POLI: variants seen among roughly 807,000 people sequenced by gnomAD.
The protein encoded by POLI is DNA polymerase iota.
A neutral mutation model predicts 51.6 loss-of-function variants in POLI; 58 were observed. The observed-to-expected ratio is 1.12, with a 90% confidence interval of 0.91 to 1.40. The LOEUF (loss-of-function observed/expected upper bound fraction) is 1.40, where lower values mean the gene tolerates loss of function less well. Among genes scored for constraint, POLI ranks in the 40% most tolerant of loss-of-function variants. POLI has a pLI of 0.00. For missense variants in POLI, 921 were observed against 871.3 expected (o/e 1.06, Z -0.72); for synonymous variants, 322 against 299.7 (o/e 1.07, Z -0.77).
intron 3 of POLI, among the ~76,000 whole-genome samples, chr18:54,317,416 A>G (rs1244459998): frequency 6.6e-6 from 1 of 152,234 alleles, no homozygotes; most frequent in Non-Finnish European, 1.5e-5. Context: ...TAATATGCAC[A>G]ATAAAGCAAC....
intron 3 of POLI, chr18:54,311,086 T>A (rs1422722349): frequency 2.0e-6 from 2 of 984,028 alleles, no homozygotes; most frequent in Non-Finnish European, 2.4e-6. Flanking sequence ...GGATCTGTTG[T>A]AGAACTATGA....
In POLI at chr18:54,295,855, T is replaced by A. The variant is rs918550624; in HGVS notation, c.*1388T>A. On this transcript the variant is annotated 3_prime_UTR_variant, in exon 10 of 10. Coordinates refer to ENST00000579534, the MANE Select transcript of POLI (RefSeq NM_007195.3). ...ATTGGCCAGGCTGGTCTCGAACTCC[T>A]GGTCTCAGGTGATCCTCCACCTTGG... is the stretch of plus-strand genomic sequence containing the variant. 13 of 514,514 alleles carry A rather than the reference T, an allele frequency of 2.5e-5. No homozygotes were observed. Among genetic ancestry groups the A allele is most frequent in the Non-Finnish European group, 3.3e-5 (13 of 399,926 alleles). The allele number at this position is 514,514 out of a possible 1,614,324, so 31.9% of individuals were successfully genotyped here.
intron 3 of POLI, among the ~76,000 whole-genome samples, chr18:54,307,946 T>C (rs1249652707): frequency 6.6e-6 from 1 of 151,740 alleles, no homozygotes; most frequent in African/African-American, 2.4e-5. Context: ...TAGATTTTCC[T>C]CCATCCCTTT....
At chr18:54,286,512 A>G (rs1456245484) in intron 7 of POLI, among the ~76,000 whole-genome samples, 1 of 152,118 alleles carries the variant, frequency 6.6e-6, no homozygotes, top group African/African-American at 2.4e-5. Context: ...AACAAAAGTA[A>G]TGTCATTTTG....
At position 54,294,000 on chromosome 18, in the gene POLI, G is replaced by C. The variant is rs539473192; in HGVS notation, c.1756G>C (p.Asp586His). The C allele has an allele frequency of 6.2e-7, 1 of 1,613,382 alleles. No homozygotes were observed. Among genetic ancestry groups the C allele is most frequent in the East Asian group, 2.2e-5 (1 of 44,858 alleles). ...GCAAGATATTCCCATAAATCCTAGA[G>C]ATCATTTATCCAGTAGCAAACAGGT... Reference protein sequence around the residue: ...QMQDIPINPRDHLSSSKQVSS... With the variant: ...QMQDIPINPRHHLSSSKQVSS... Residue 586 changes from aspartate to histidine, a missense_variant, in exon 10 of 10, where the codon GAT (aspartate) becomes CAT (histidine). Transcript: ENST00000579534.
chr18:54,295,459 T>C lies in POLI; in HGVS notation c.*992T>C, dbSNP rs1169006304. The C allele has an allele frequency of 1.0e-6, 1 of 969,206 alleles. No individual in the cohort carries two copies. Among genetic ancestry groups the C allele is most frequent in the East Asian group, 1.1e-4 (1 of 8,752 alleles). The allele number at this position is 969,206 out of a possible 1,614,324, so 60.0% of individuals were successfully genotyped here. A position where few individuals can be genotyped will look rare whatever the true frequency, so the allele number is the denominator to read the frequency against. ...ATAATTTGCAAGACATAGAGGATGT[T>C]TATAGAATATACTAAAGTATCCCTC... On this transcript the variant is annotated 3_prime_UTR_variant, in exon 10 of 10. Transcript: ENST00000579534.
chr18:54,295,307 G>T lies in POLI; in HGVS notation c.*840G>T. ...TTCCCTACATTTGGAGATGATATTA[G>T]GTTGTCATAACAACCACAAATATAG... On this transcript the variant is annotated 3_prime_UTR_variant, in exon 10 of 10. Transcript: ENST00000579534. The T allele has an allele frequency of 2.0e-6, 2 of 984,642 alleles. No homozygotes were observed. Among genetic ancestry groups the T allele is most frequent in the Non-Finnish European group, 2.4e-6 (2 of 829,230 alleles). The allele number at this position is 984,642 out of a possible 1,614,324, so 61.0% of individuals were successfully genotyped here.
At chr18:54,300,721 T>G (rs2088475902), downstream of POLI, among the ~76,000 whole-genome samples, 1 of 152,054 alleles carries the variant, frequency 6.6e-6, no homozygotes, top group African/African-American at 2.4e-5. Flanking sequence ...GTATATAAAA[T>G]TTTTTAAAAA....
rs755557901 is a variant in POLI at position 54,312,411 on chromosome 18, G to A, written c.334-7862G>A. Among the ~76,000 whole-genome samples the A allele has an allele frequency of 3.9e-5, 6 of 152,034 alleles. No homozygotes were observed. In the East Asian group the frequency reaches 5.8e-4, roughly 15 times the overall value. On this transcript the variant is annotated intron_variant, in intron 3 of 4. Transcript: ENST00000579823. ...ATATGTCTTTGCTCTTGTGAATAGC[G>A]CTGCAGTGAACATATGGGTGCATGT...
rs2088336490 is a variant in POLI at position 54,296,503 on chromosome 18, G to C, written c.*2036G>C. 3.3e-6 allele frequency: 1 copy of C among 306,076 alleles called. No individual in the cohort carries two copies. The highest frequency in any genetic ancestry group is 2.3e-5 in the African/African-American group (1 of 44,138). 19.0% of individuals were successfully genotyped at this position (306,076 alleles called of 1,614,324 possible). ...AAGTGCGAATTTATTTTTATTCTTA[G>C]TATATACTGGCTTCTTCCTGTATCT... On this transcript the variant is annotated 3_prime_UTR_variant, in exon 10 of 10. Coordinates refer to ENST00000579534, the MANE Select transcript of POLI (RefSeq NM_007195.3).
At position 54,271,815 on chromosome 18, in the gene POLI, A is replaced by G. The variant is rs187956877; in HGVS notation, c.241+330A>G. Among the ~76,000 whole-genome samples the G allele has an allele frequency of 2.7e-3, 404 of 152,306 alleles. 2 individuals carry two copies. Among genetic ancestry groups the G allele is most frequent in the Non-Finnish European group, 4.5e-3 (305 of 68,016 alleles). On this transcript the variant is annotated intron_variant, in intron 2 of 9. Coordinates refer to ENST00000579534, the MANE Select transcript of POLI (RefSeq NM_007195.3). ...AATTTTACAGGCTTTGTTCTCAAAA[A>G]CAGCCTCTTATTACATTTTAGTGGA... is the stretch of plus-strand genomic sequence containing the variant.
intron 3 of POLI, among the ~76,000 whole-genome samples, chr18:54,310,309 G>A (rs779802955): frequency 6.6e-6 from 1 of 152,172 alleles, no homozygotes; most frequent in Non-Finnish European, 1.5e-5. Context: ...CAAGGTTCCT[G>A]AGCTGTCACA....
At chr18:54,300,061 C>A (rs905721205), downstream of POLI, among the ~76,000 whole-genome samples, 1 of 151,502 alleles carries the variant, frequency 6.6e-6, no homozygotes, top group African/African-American at 2.4e-5. Context: ...CCCGGTAGAC[C>A]TACATTACCC....
chr18:54,305,945 A>T (rs1226857267), intron 3 of POLI, among the ~76,000 whole-genome samples: 17 of 151,952 alleles, frequency 1.1e-4, no homozygotes, highest in African/African-American at 2.4e-5. Context: ...TTTTTAGTAG[A>T]TACGGGGTTT....
chr18:54,282,840 T>A lies in POLI; in HGVS notation c.800T>A (p.Ile267Asn). Residue 267 changes from isoleucine to asparagine, a missense_variant, in exon 6 of 10, where the codon ATT (isoleucine) becomes AAT (asparagine). By Grantham distance (149) the Ile-to-Asn change is moderately radical. Coordinates refer to ENST00000579534, the MANE Select transcript of POLI (RefSeq NM_007195.3). ...GTATGCATTTCTTTTTATTTAGGTA[T>A]TGGCTATAAAACTGCCAAATGTCTT... ...SLNHIKEIPG[I>N]GYKTAKCLEA... is the part of the protein sequence containing the mutation. 6.5e-7 allele frequency: 1 copy of A among 1,527,138 alleles called. No homozygotes were observed. Among genetic ancestry groups the A allele is most frequent in the Non-Finnish European group, 8.9e-7 (1 of 1,125,652 alleles). The allele number at this position is 1,527,138 out of a possible 1,614,324, so 94.6% of individuals were successfully genotyped here. A position where few individuals can be genotyped will look rare whatever the true frequency, so the allele number is the denominator to read the frequency against.
At chr18:54,288,877 A>G (rs1029253337) in intron 8 of POLI, among the ~76,000 whole-genome samples, 1 of 152,076 alleles carries the variant, frequency 6.6e-6, no homozygotes, top group Admixed American at 6.5e-5. Context: ...TTCTTTAAAC[A>G]TGGTTGTCTT....
At chr18:54,292,481 A>G (rs516665) in intron 9 of POLI, among the ~76,000 whole-genome samples, 10,545 of 152,166 alleles carry the variant, frequency 0.069, 431 homozygotes, top group African/African-American at 0.089. Flanking sequence ...TTTGATAGCA[A>G]TATTGATAGA....
At chr18:54,269,898 T>C (rs1428806040) in intron 1 of POLI, 22 of 1,245,292 alleles carry the variant, frequency 1.8e-5, no homozygotes, top group Non-Finnish European at 2.1e-5. Flanking sequence ...GTCGAGGGTT[T>C]ATCTGCGCCG....
At chr18:54,300,529 C>CA (rs1273070944), downstream of POLI, among the ~76,000 whole-genome samples, 2 of 151,254 alleles carry the variant, frequency 1.3e-5, no homozygotes, top group Non-Finnish European at 1.5e-5. Flanking sequence ...ATTCAATCCC[C>CA]AAAAAAAGCT....
Sources: allele counts gnomAD v4.1 joint callset (sites outside exome capture counted in the v4.1 genomes callset), GRCh38; gene constraint gnomAD v4.1.1; transcripts MANE v1.5; gene names NCBI Gene and HGNC (gene_info 2026-07-23, HGNC 2026-07-21).